The following CTSG variants were observed in gnomAD, a reference collection of about 807,000 sequenced individuals.
CTSG encodes cathepsin G.
In CTSG, 23 loss-of-function variants were observed where a neutral mutation model predicts 23.0. That is an observed-to-expected ratio of 1.00 (90% CI 0.72 to 1.42). The LOEUF is 1.42. Among genes scored for constraint, CTSG ranks in the 40% most tolerant of loss-of-function variants. The pLI is 0.00. For synonymous variants in CTSG, 140 were observed against 130.4 expected (o/e 1.07, Z -0.50); for missense variants, 312 against 326.2 (o/e 0.96, Z 0.33).
intron 2 of CTSG, chr14:24,575,052 C>G: frequency 1.4e-6 from 1 of 697,752 alleles, no homozygotes; most frequent in South Asian, 1.9e-5. Flanking sequence ...ATATTTTGAG[C>G]CCCAATATGT....
At chr14:24,575,512 G>T in intron 1 of CTSG, 100 bp from the exon 2 acceptor site, 1 of 1,275,664 alleles carries the variant, frequency 7.8e-7, no homozygotes, top group Non-Finnish European at 1.1e-6. Context: ...GGGACGGCAG[G>T]AGAGAGGGTG....
At position 24,574,224 on chromosome 14, in the gene CTSG, T is replaced by C; in HGVS notation, c.594+21A>G. 1.9e-6 allele frequency: 3 copies of C among 1,599,202 alleles called. No individual in the cohort carries two copies. The South Asian group carries it at 3.3e-5, about 18-fold the overall frequency. ...CGGGCCCCTCTCTCCCGGGGTGTGT[T>C]GGCCAATGCCCATGCCTTACCTTGA... On this transcript the variant is annotated intron_variant, in intron 4 of 4. Coordinates refer to ENST00000216336, the MANE Select transcript of CTSG (RefSeq NM_001911.3).
chr14:24,573,885 G>A (rs2066727368), intron 4 of CTSG, 75 bp from the exon 5 acceptor site: 8 of 1,408,354 alleles, frequency 5.7e-6, no homozygotes, highest in South Asian at 2.6e-5. Flanking sequence ...GGCTCTCAGG[G>A]AAGGCAGGGG....
chr14:24,573,644 G>A lies in CTSG; in HGVS notation c.761C>T (p.Pro254Leu), dbSNP rs1189057436. 6.2e-7 allele frequency: 1 copy of A among 1,613,438 alleles called. No homozygotes were observed. Among genetic ancestry groups the A allele is most frequent in the East Asian group, 2.2e-5 (1 of 44,858 alleles). Residue 254 changes from proline to leucine, a missense_variant, in exon 5 of 5, where the codon CCC becomes CTC. Pro to Leu is a moderately conservative substitution (Grantham distance 98). Transcript: ENST00000216336. ...CCCGAGAAGAAGAGTCAGTCACAGGGGGGTCTCCATCTGATCCAGCAGTTT... is the reference window on the plus strand; with the variant it reads ...CCCGAGAAGAAGAGTCAGTCACAGGAGGGTCTCCATCTGATCCAGCAGTTT... ...SFKLLDQMET[P>L]L
In CTSG at chr14:24,574,382, T is replaced by C; in HGVS notation, c.457A>G (p.Arg153Gly). ...TCTCGGAGTGTATCTGTTCCCCTCCTCATGCTGACCCTGCCCCAGCCGGCC... is the reference window on the plus strand; with the variant it reads ...TCTCGGAGTGTATCTGTTCCCCTCCCCATGCTGACCCTGCCCCAGCCGGCC... The part of the protein sequence containing the change: ...TVAGWGRVSM[R>G]RGTDTLREVQ... The change falls in exon 4 of 5, where the codon AGG becomes GGG. Residue 153 changes from arginine to glycine, a missense_variant. Arg to Gly is a moderately radical substitution (Grantham distance 125). Transcript: ENST00000216336. The C allele has an allele frequency of 5.0e-6, 8 of 1,611,616 alleles. No individual in the cohort carries two copies. Among genetic ancestry groups the C allele is most frequent in the Non-Finnish European group, 6.8e-6 (8 of 1,180,010 alleles).
At position 24,575,402 on chromosome 14, in the gene CTSG, G is replaced by A. The variant is rs1419309919; in HGVS notation, c.66C>T (p.Ile22=). ...LPTGAEAGEI[I]GGRESRPHSR... Reference sequence around the variant, plus strand: ...AGTGGGGCCTGCTCTCCCGGCCTCCGATGATCTCCCCTGGAAGGAAGCATT... The same window carrying A: ...AGTGGGGCCTGCTCTCCCGGCCTCCAATGATCTCCCCTGGAAGGAAGCATT... Residue 22 remains isoleucine, a synonymous_variant, in exon 2 of 5, where the codon ATC becomes ATT. Transcript: ENST00000216336. 10 of 1,614,044 alleles carry A rather than the reference G, an allele frequency of 6.2e-6. No homozygotes were observed. Among genetic ancestry groups the A allele is most frequent in the Admixed American group, 1.7e-5 (1 of 60,008 alleles).
In CTSG at chr14:24,575,182, A is replaced by G. The variant is rs767780555; in HGVS notation, c.203+83T>C. Reference sequence around the variant, plus strand: ...TTTCTTTCACCCTTTCATTGCTACAACTCTTCTTTCAGATGGCTCTTCCAC... The same window carrying G: ...TTTCTTTCACCCTTTCATTGCTACAGCTCTTCTTTCAGATGGCTCTTCCAC... On this transcript the variant is annotated intron_variant, in intron 2 of 4. Coordinates refer to ENST00000216336, the MANE Select transcript of CTSG (RefSeq NM_001911.3). 1.3e-4 allele frequency: 198 copies of G among 1,528,122 alleles called. 1 individual carries two copies. Among genetic ancestry groups the G allele is most frequent in the Non-Finnish European group, 9.4e-5 (104 of 1,109,268 alleles). 94.7% of individuals were successfully genotyped at this position (1,528,122 alleles called of 1,614,324 possible). A position where few individuals can be genotyped will look rare whatever the true frequency, so the allele number is the denominator to read the frequency against.
In CTSG at chr14:24,575,364, A is replaced by G. The variant is rs1317756321; in HGVS notation, c.104T>C (p.Met35Thr). 2 of 1,614,106 alleles carry G rather than the reference A, an allele frequency of 1.2e-6. No homozygotes were observed. Among genetic ancestry groups the G allele is most frequent in the African/African-American group, 2.7e-5 (2 of 75,014 alleles). Residue 35 changes from methionine (M) to threonine (T), a missense_variant, in exon 2 of 5, where the codon ATG becomes ACG. By Grantham distance (81) the Met-to-Thr change is moderately conservative (BLOSUM62 -1). Transcript: ENST00000216336. ...RESRPHSRPY[M>T]AYLQIQSPAG... The stretch of plus-strand genomic sequence containing the variant: ...TGGACTCTGGATCTGAAGATACGCC[A>G]TGTAGGGGCGGGAGTGGGGCCTGCT...
At position 24,574,306 on chromosome 14, in the gene CTSG, G is replaced by A. The variant is rs1416976566; in HGVS notation, c.533C>T (p.Ser178Phe). 5.0e-6 allele frequency: 8 copies of A among 1,601,952 alleles called. No individual in the cohort carries two copies. The Middle Eastern group carries it at 5.0e-4, about 99-fold the overall frequency. Residue 178 changes from serine to phenylalanine, a missense_variant, in exon 4 of 5, where the codon TCC (serine) becomes TTC (phenylalanine). Physicochemically the swap from Ser to Phe is radical, Grantham distance 155 (BLOSUM62 -2). Transcript: ENST00000216336. ...RDRQCLRIFG[S>F]YDPRRQICVG... ...ACAAATCTGCCTTCGGGGGTCGTAG[G>A]AACCGAAGATGCGGAGGCACTGCCT...
At chr14:24,575,009 T>G in intron 2 of CTSG, 199 bp from the exon 3 acceptor site, 2 of 725,684 alleles carry the variant, frequency 2.8e-6, no homozygotes, top group South Asian at 3.7e-5. Context: ...CAGGTTTGCT[T>G]CCCCAGATTA....
chr14:24,574,929 G>C, intron 2 of CTSG, 119 bp from the exon 3 acceptor site: 1 of 1,299,382 alleles, frequency 7.7e-7, no homozygotes, highest in Non-Finnish European at 1.1e-6. Flanking sequence ...GGATGGGAGG[G>C]CCCTGGGGCT....
At position 24,573,533 on chromosome 14, in the gene CTSG, G is replaced by A. The variant is rs2066725059; in HGVS notation, c.*104C>T. On this transcript the variant is annotated 3_prime_UTR_variant, in exon 5 of 5. Transcript: ENST00000216336. ...CCAAACAAACTAAGTACTGAATGAC[G>A]TTTAATGAACAAATGAGGAATTGGT... 1.7e-6 allele frequency: 2 copies of A among 1,180,160 alleles called. No homozygotes were observed. Among genetic ancestry groups the A allele is most frequent in the South Asian group, 1.6e-5 (1 of 63,788 alleles). 73.1% of individuals were successfully genotyped at this position (1,180,160 alleles called of 1,614,324 possible).
At chr14:24,574,872 G>A in intron 2 of CTSG, 62 bp from the exon 3 acceptor site, 2 of 1,607,238 alleles carry the variant, frequency 1.2e-6, no homozygotes, top group African/African-American at 1.3e-5. Flanking sequence ...CTGCAGGGTA[G>A]GCAGACAGCA....
In CTSG at chr14:24,574,346, T is replaced by A. The variant is rs779651118; in HGVS notation, c.493A>T (p.Arg165Ter). Reference protein sequence around the residue: ...GTDTLREVQLRVQRDRQCLRI... With the variant: ...GTDTLREVQL The stretch of plus-strand genomic sequence containing the variant: ...AGGCACTGCCTATCCCTCTGCACTC[T>A]CAGCTGCACCTCTCGGAGTGTATCT... Residue 165 changes from arginine (R) to a stop codon, truncating the protein, a stop_gained, in exon 4 of 5, where the codon AGA (arginine) becomes TGA (stop). Coordinates refer to ENST00000216336, the MANE Select transcript of CTSG (RefSeq NM_001911.3). LOFTEE classifies it high-confidence loss of function. 6.8e-6 allele frequency: 11 copies of A among 1,607,380 alleles called. No individual in the cohort carries two copies. The highest frequency in any genetic ancestry group is 9.3e-6 in the Non-Finnish European group (11 of 1,179,946).
intron 3 of CTSG, 76 bp from the exon 4 acceptor site, chr14:24,574,575 A>T (rs1317241383): frequency 6.2e-7 from 1 of 1,610,796 alleles, no homozygotes; most frequent in Non-Finnish European, 8.5e-7. Context: ...TGCAGTACAC[A>T]TCCCATGCCC....
At chr14:24,576,052 G>T in intron 1 of CTSG, 117 bp downstream of exon 1, 1 of 809,426 alleles carries the variant, frequency 1.2e-6, no homozygotes, top group South Asian at 1.5e-5. Context: ...TTATAGATGA[G>T]GAAACACAAA....
intron 4 of CTSG, 53 bp downstream of exon 4, chr14:24,574,192 C>T: frequency 6.3e-7 from 1 of 1,591,956 alleles, no homozygotes; most frequent in Non-Finnish European, 8.5e-7. Context: ...CACTGCCTGG[C>T]TCTGCACGGG....
At chr14:24,573,874 G>A (rs919755506) in intron 4 of CTSG, 64 bp from the exon 5 acceptor site, 2 of 1,470,166 alleles carry the variant, frequency 1.4e-6, no homozygotes, top group Admixed American at 2.0e-5. Context: ...CCTGAGCTCC[G>A]GGCTCTCAGG....
At chr14:24,575,957 C>T (rs1396205940) in intron 1 of CTSG, among the ~76,000 whole-genome samples, 2 of 152,188 alleles carry the variant, frequency 1.3e-5, no homozygotes, top group Non-Finnish European at 2.9e-5. Context: ...TTATAGTGTG[C>T]GGGCAATTCC....
Sources: allele counts gnomAD v4.1 joint callset (sites outside exome capture counted in the v4.1 genomes callset), GRCh38; gene constraint gnomAD v4.1.1; transcripts MANE v1.5; gene names NCBI Gene and HGNC (gene_info 2026-07-23, HGNC 2026-07-21).